INO80D: variants seen among roughly 807,000 people sequenced by gnomAD.
INO80D encodes the protein INO80 complex subunit D.
INO80D carries 21 observed loss-of-function variants against 87.6 expected under a neutral mutation model. The ratio of observed to expected loss-of-function variants is 0.24; its 90% CI spans 0.17 to 0.35. The LOEUF (loss-of-function observed/expected upper bound fraction) is 0.35. Ranked by LOEUF, INO80D falls within the 10% of genes least tolerant of loss-of-function variation. The pLI is 1.00. For synonymous variants in INO80D, 440 were observed against 491.0 expected (o/e 0.90, Z 1.37); for missense variants, 982 against 1,280.7 (o/e 0.77, Z 3.56).
intron 1 of INO80D, among the ~76,000 whole-genome samples, chr2:206,068,198 A>C (rs1689870142): frequency 6.6e-6 from 1 of 152,138 alleles, no homozygotes; most frequent in African/African-American, 2.4e-5. Flanking sequence ...TTCTGGGCTC[A>C]AAAGATCTTC....
chr2:206,081,768 AAAAGAAAGAAAG>A (rs56190512), intron 1 of INO80D, among the ~76,000 whole-genome samples: 7,339 of 146,898 alleles, frequency 0.05, 177 homozygotes, highest in African/African-American at 0.081. Context: ...AAAAAAAAAA[AAAAGAAAGAAAG>A]AAAGAAAGAA....
chr2:206,038,350 G>A (rs1056715473), intron 5 of INO80D, among the ~76,000 whole-genome samples: 14 of 152,182 alleles, frequency 9.2e-5, no homozygotes, highest in Non-Finnish European at 1.9e-4. Flanking sequence ...GTAAAAAGAG[G>A]TACCTGATAA....
chr2:206,021,896 G>A (rs1015275869), intron 6 of INO80D, among the ~76,000 whole-genome samples: 3 of 152,038 alleles, frequency 2.0e-5, no homozygotes, highest in African/African-American at 7.2e-5. Flanking sequence ...TTACTGGCAT[G>A]AGTCACCACA....
At chr2:206,057,578 T>C (rs1203708278) in intron 3 of INO80D, among the ~76,000 whole-genome samples, 1 of 152,150 alleles carries the variant, frequency 6.6e-6, no homozygotes, top group African/African-American at 2.4e-5. Context: ...ATTCCCTTAA[T>C]GCAGATGAGG....
At chr2:206,027,524 C>T (rs1009438947) in intron 6 of INO80D, among the ~76,000 whole-genome samples, 2 of 152,030 alleles carry the variant, frequency 1.3e-5, no homozygotes, top group Admixed American at 1.3e-4. Context: ...TACAGCGAGA[C>T]CCTCACCTCT....
chr2:206,064,233 T>C (rs541934362), intron 1 of INO80D, among the ~76,000 whole-genome samples: 112 of 151,244 alleles, frequency 7.4e-4, no homozygotes, highest in African/African-American at 2.5e-3. Flanking sequence ...AAGGAGGGAA[T>C]TACACAATAC....
At chr2:206,026,501 G>A (rs969450398) in intron 6 of INO80D, among the ~76,000 whole-genome samples, 4 of 151,314 alleles carry the variant, frequency 2.6e-5, no homozygotes, top group Non-Finnish European at 4.4e-5. Flanking sequence ...AGCCAAGATC[G>A]TGCCACTTCA....
At chr2:206,076,700 A>G (rs904651966) in intron 1 of INO80D, among the ~76,000 whole-genome samples, 1 of 152,236 alleles carries the variant, frequency 6.6e-6, no homozygotes, top group Non-Finnish European at 1.5e-5. Context: ...AGGAATTTCA[A>G]TGAACTTTAC....
chr2:206,031,679 T>C (rs963628592), intron 5 of INO80D, among the ~76,000 whole-genome samples: 1 of 152,168 alleles, frequency 6.6e-6, no homozygotes, highest in Admixed American at 6.5e-5. Flanking sequence ...TCATGGCCGA[T>C]GAGAGGCAGG....
intron 5 of INO80D, among the ~76,000 whole-genome samples, chr2:206,035,865 C>A (rs756765464): frequency 6.6e-6 from 1 of 151,988 alleles, no homozygotes; most frequent in Non-Finnish European, 1.5e-5. Context: ...CACAACGAAC[C>A]CAGACAAATC....
At chr2:206,027,578 C>T (rs1206781156) in intron 6 of INO80D, among the ~76,000 whole-genome samples, 1 of 152,024 alleles carries the variant, frequency 6.6e-6, no homozygotes, top group Non-Finnish European at 1.5e-5. Flanking sequence ...GTTTCACATG[C>T]CTATAGTCCC....
At chr2:206,070,889 A>ATTTTTTTTTTTTTT (rs71863031) in intron 1 of INO80D, among the ~76,000 whole-genome samples, 1 of 129,030 alleles carries the variant, frequency 7.8e-6, no homozygotes. Flanking sequence ...AGGGGACTTG[A>ATTTTTTTTTTTTTT]TTTTTTTTTT....
chr2:206,018,644 G>A (rs1189977822), intron 7 of INO80D, among the ~76,000 whole-genome samples: 1 of 152,146 alleles, frequency 6.6e-6, no homozygotes, highest in East Asian at 1.9e-4. Flanking sequence ...CTATTGGCCA[G>A]GCACAGTGGC....
At chr2:206,016,405 G>A (rs1688320909) in intron 8 of INO80D, among the ~76,000 whole-genome samples, 1 of 152,200 alleles carries the variant, frequency 6.6e-6, no homozygotes, top group South Asian at 2.1e-4. Context: ...TATCTAGGAA[G>A]TAACTAACTT....
At chr2:206,007,613 C>T (rs948696023) in intron 9 of INO80D, among the ~76,000 whole-genome samples, 172 bp from the exon 10 acceptor site, 3 of 152,012 alleles carry the variant, frequency 2.0e-5, no homozygotes, top group Admixed American at 6.6e-5. Flanking sequence ...CTTGAGGGCA[C>T]GAGTTCGAGA....
Position 206,003,969 on chromosome 2 carries a change from CAT to C in INO80D, c.*397_*398del. On this transcript the variant is annotated 3_prime_UTR_variant, in exon 11 of 11. Transcript: ENST00000403263. ...TATACAGGAACTCAATTAATAAGAT[CAT>C]TCTATCTAGAACCACCTATGTAAAA... The C allele has an allele frequency of 1.0e-5, 2 of 198,762 alleles. No homozygotes were observed. Among genetic ancestry groups the C allele is most frequent in the Non-Finnish European group, 1.0e-5 (1 of 95,352 alleles). 12.3% of individuals were successfully genotyped at this position (198,762 alleles called of 1,614,324 possible). A position where few individuals can be genotyped will look rare whatever the true frequency, so the allele number is the denominator to read the frequency against.
At position 206,085,156 on chromosome 2, in the gene INO80D, G is replaced by A. The variant is rs1377499741; in HGVS notation, c.-124+745C>T. 1.3e-5 allele frequency among the ~76,000 whole-genome samples: 2 copies of A among 152,064 alleles called. No individual in the cohort carries two copies. The highest frequency in any genetic ancestry group is 4.8e-5 in the African/African-American group (2 of 41,426). On this transcript the variant is annotated intron_variant, in intron 1 of 10. Coordinates refer to ENST00000403263, the MANE Select transcript of INO80D (RefSeq NM_017759.5). The surrounding 1 kb of genome is among the most constrained non-coding windows in gnomAD (Gnocchi z 4.5). ...ACCAGGGCTCCCCGGAGAGACAGCG[G>A]CCCCCAGTTCGGGCCTAAAAGGAAA...
Position 205,994,568 on chromosome 2 carries a change from G to A in INO80D, c.*9800C>T, listed in dbSNP as rs906470399. 6.6e-6 allele frequency: 1 copy of A among 152,082 alleles called. No individual in the cohort carries two copies. The highest frequency in any genetic ancestry group is 2.4e-5 in the African/African-American group (1 of 41,400). 9.4% of individuals were successfully genotyped at this position (152,082 alleles called of 1,614,324 possible). A position where few individuals can be genotyped will look rare whatever the true frequency, so the allele number is the denominator to read the frequency against. Reference sequence around the variant, plus strand: ...TTGTTAAAGGCTACTTCTGATATCAGGTTCCAGCTAAGCTACTCAGTAAAA... The same window carrying A: ...TTGTTAAAGGCTACTTCTGATATCAAGTTCCAGCTAAGCTACTCAGTAAAA... On this transcript the variant is annotated 3_prime_UTR_variant, in exon 11 of 11. Coordinates refer to ENST00000403263, the MANE Select transcript of INO80D (RefSeq NM_017759.5).
intron 1 of INO80D, among the ~76,000 whole-genome samples, chr2:206,072,052 C>A (rs1203411243): frequency 6.6e-6 from 1 of 152,138 alleles, no homozygotes; most frequent in Admixed American, 6.6e-5. Flanking sequence ...ACCTCTCCTG[C>A]CACTCAGGGA....
Sources: allele counts gnomAD v4.1 joint callset (sites outside exome capture counted in the v4.1 genomes callset), GRCh38; gene constraint gnomAD v4.1.1; non-coding constraint Gnocchi (gnomAD v3.1); transcripts MANE v1.5; gene names NCBI Gene and HGNC (gene_info 2026-07-23, HGNC 2026-07-21).